The following PXDN variants were observed in gnomAD, a reference collection of about 807,000 sequenced individuals.
PXDN encodes the protein peroxidasin homolog.
In PXDN, 77 loss-of-function variants were observed where a neutral mutation model predicts 140.3. The ratio of observed to expected loss-of-function variants is 0.55; its 90% CI spans 0.46 to 0.66. The LOEUF is 0.66. Among genes scored for constraint, PXDN ranks in the 30% least tolerant of loss-of-function variants. The pLI is 0.00. For synonymous variants in PXDN, 911 were observed against 857.4 expected, an observed-to-expected ratio of 1.06 and a Z score of -1.09; for missense variants, 1,838 against 2,039.5, an observed-to-expected ratio of 0.90 and a Z score of 1.90.
intron 9 of PXDN, among the ~76,000 whole-genome samples, chr2:1,672,944 A>C (rs62116592): frequency 3.0e-4 from 46 of 152,148 alleles, no homozygotes; most frequent in Non-Finnish European, 6.0e-4. Context: ...TCTGCACAGG[A>C]CGACAGGCAG....
chr2:1,658,766 C>T (rs1167506645), intron 14 of PXDN, among the ~76,000 whole-genome samples: 5 of 124,512 alleles, frequency 4.0e-5, no homozygotes, highest in East Asian at 5.7e-4. Flanking sequence ...CCCCCGGCAT[C>T]GGGCTCATTC....
At chr2:1,682,726 G>C (rs1011750963) in intron 6 of PXDN, among the ~76,000 whole-genome samples, 3 of 152,182 alleles carry the variant, frequency 2.0e-5, no homozygotes, top group Non-Finnish European at 2.9e-5. Flanking sequence ...GATCACCTGA[G>C]GTCAGGAGTT....
intron 13 of PXDN, among the ~76,000 whole-genome samples, chr2:1,661,526 G>A (rs1008017086): frequency 6.9e-6 from 1 of 144,248 alleles, no homozygotes; most frequent in Non-Finnish European, 1.5e-5. Flanking sequence ...GAGATTCACA[G>A]GGCAGTGCAG....
intron 9 of PXDN, among the ~76,000 whole-genome samples, chr2:1,670,956 C>G (rs982717544): frequency 1.3e-5 from 2 of 152,162 alleles, no homozygotes; most frequent in African/African-American, 2.4e-5. Flanking sequence ...CAACTCCCCC[C>G]ACATCAGGCA....
In PXDN at chr2:1,665,095, A is replaced by G. The variant is rs1011646; in HGVS notation, c.1292-21T>C. On this transcript the variant is annotated intron_variant, in intron 10 of 22. Coordinates refer to ENST00000252804, the MANE Select transcript of PXDN (RefSeq NM_012293.3). ...AAGAGCTTCCGGAGAGAAAGCATTC[A>G]AAACAGGACATGTAAAAAACAGCCT... The G allele has an allele frequency of 2.7e-3, 4,126 of 1,537,504 alleles. 95 individuals carry two copies. The African/African-American group carries it at 0.047, about 18-fold the overall frequency.
intron 22 of PXDN, among the ~76,000 whole-genome samples, chr2:1,635,196 T>C (rs1682517402): frequency 6.6e-6 from 1 of 152,126 alleles, no homozygotes. Context: ...GGTTGGACCA[T>C]GCTGAGGTTC....
intron 2 of PXDN, among the ~76,000 whole-genome samples, chr2:1,692,750 T>A (rs1191791478): frequency 6.6e-6 from 1 of 151,944 alleles, no homozygotes; most frequent in Non-Finnish European, 1.5e-5. Context: ...CACACAGAGG[T>A]CAGCCTGACC....
intron 21 of PXDN, chr2:1,636,556 T>G (rs1682564301): frequency 6.6e-6 from 1 of 152,190 alleles, no homozygotes; most frequent in South Asian, 2.1e-4. Flanking sequence ...AGGACCTAAC[T>G]AGCCAAACAG....
At chr2:1,722,937 G>A (rs1172481527) in intron 1 of PXDN, among the ~76,000 whole-genome samples, 1 of 152,220 alleles carries the variant, frequency 6.6e-6, no homozygotes, top group Non-Finnish European at 1.5e-5. Flanking sequence ...GTGAATGGGT[G>A]GGTAGCTAGA....
At chr2:1,744,085 T>TC (rs1406271520) in intron 1 of PXDN, among the ~76,000 whole-genome samples, 171 bp downstream of exon 1, 1 of 147,812 alleles carries the variant, frequency 6.8e-6, no homozygotes, top group African/African-American at 2.5e-5. Context: ...CGCGCCCAGG[T>TC]CCCCCCACGT....
intron 9 of PXDN, among the ~76,000 whole-genome samples, chr2:1,667,460 C>T (rs1683471321): frequency 1.3e-5 from 2 of 152,104 alleles, no homozygotes; most frequent in African/African-American, 2.4e-5. Flanking sequence ...AATTCCTGGA[C>T]ATATACACCC....
intron 7 of PXDN, among the ~76,000 whole-genome samples, chr2:1,679,112 G>A (rs1440868633): frequency 6.6e-6 from 1 of 151,004 alleles, no homozygotes; most frequent in Non-Finnish European, 1.5e-5. Context: ...GTGTGTGTGT[G>A]TGTGTGTCTA....
At position 1,643,486 on chromosome 2, in the gene PXDN, C is replaced by T. The variant is rs375223534; in HGVS notation, c.3834G>A (p.Ala1278=). The change falls in exon 19 of 23, where the codon GCG becomes GCA. Residue 1278 remains alanine, a synonymous_variant. Transcript: ENST00000252804. The part of the protein sequence containing the change: ...TSLARILCDN[A]DNITRVQSDV... Reference sequence around the variant, plus strand: ...CGCTCTGCACCCGGGTGATGTTGTCCGCGTTGTCGCATAGGATCCTGGCCA... The same window carrying T: ...CGCTCTGCACCCGGGTGATGTTGTCTGCGTTGTCGCATAGGATCCTGGCCA... 65 of 1,613,846 alleles carry T rather than the reference C, an allele frequency of 4.0e-5. No individual in the cohort carries two copies. The highest frequency in any genetic ancestry group is 1.2e-4 in the African/African-American group (9 of 74,920).
chr2:1,719,242 A>G (rs537888423), intron 1 of PXDN, among the ~76,000 whole-genome samples: 2 of 151,888 alleles, frequency 1.3e-5, no homozygotes, highest in South Asian at 4.2e-4. Flanking sequence ...ACCCACCTTC[A>G]CCCCTCAGCC....
At chr2:1,634,830 C>T (rs972923947) in intron 22 of PXDN, among the ~76,000 whole-genome samples, 5 of 152,322 alleles carry the variant, frequency 3.3e-5, no homozygotes, top group Middle Eastern at 3.4e-3. Flanking sequence ...CGGGCTGGCG[C>T]GCTGTCCTCC....
intron 8 of PXDN, 83 bp from the exon 9 acceptor site, chr2:1,673,895 C>G (rs919359206): frequency 2.0e-6 from 3 of 1,469,386 alleles, no homozygotes; most frequent in Non-Finnish European, 2.8e-6. Flanking sequence ...GGGTTTCCAG[C>G]CCTGCAGCAG....
At chr2:1,665,552 A>G (rs916663053) in intron 10 of PXDN, among the ~76,000 whole-genome samples, 1 of 152,250 alleles carries the variant, frequency 6.6e-6, no homozygotes, top group Non-Finnish European at 1.5e-5. Flanking sequence ...CAGCCACAAA[A>G]AAAGTAAATC....
chr2:1,664,703 C>T, intron 11 of PXDN: 1 of 465,456 alleles, frequency 2.1e-6, no homozygotes, highest in East Asian at 3.3e-5. Context: ...GGCAGGAACC[C>T]CAAGTCTCTT....
rs780834443 is a variant in PXDN, at chr2:1,643,463, C to T, written c.3857G>A (p.Ser1286Asn). 3 of 1,613,980 alleles carry T rather than the reference C, an allele frequency of 1.9e-6. No homozygotes were observed. Among genetic ancestry groups the T allele is most frequent in the Non-Finnish European group, 1.7e-6 (2 of 1,179,892 alleles). The change falls in exon 19 of 23, where the codon AGC becomes AAC. Residue 1286 changes from serine (S) to asparagine (N), a missense_variant. This residue lies in a region of PXDN where 850 missense variants were observed against 894.1 expected (regional missense o/e 0.95). Coordinates refer to ENST00000252804, the MANE Select transcript of PXDN (RefSeq NM_012293.3). ...DNADNITRVQ[S>N]DVFRVAEFPH... ...GAACTCCGCCACCCTGAACACGTCG[C>T]TCTGCACCCGGGTGATGTTGTCCGC...
Sources: gnomAD v4.1 joint callset for allele counts (sites outside exome capture counted in the v4.1 genomes callset) on GRCh38, gnomAD v4.1.1 for gene constraint, gnomAD v4.1.1 regional missense constraint, MANE v1.5 for transcripts, NCBI Gene and HGNC (gene_info 2026-07-23, HGNC 2026-07-21) for gene names.